CTNNA2: variants seen among roughly 807,000 people sequenced by gnomAD.
CTNNA2 encodes the protein catenin alpha 2, also known as catenin alpha-2.
A neutral mutation model predicts 101.0 loss-of-function variants in CTNNA2; 42 were observed. The observed-to-expected ratio is 0.42, with a 90% CI of 0.32 to 0.54. The LOEUF (loss-of-function observed/expected upper bound fraction) is 0.54. CTNNA2 is among the 20% of genes least tolerant of loss of function. The pLI is 0.14. For synonymous variants in CTNNA2, 450 were observed against 456.4 expected (o/e 0.99, Z 0.18); for missense variants, 871 against 1,223.1 (o/e 0.71, Z 4.29).
At chr2:79,911,567 G>A (rs1339797934) in intron 7 of CTNNA2, among the ~76,000 whole-genome samples, 1 of 152,170 alleles carries the variant, frequency 6.6e-6, no homozygotes, top group Non-Finnish European at 1.5e-5. Context: ...CAGAGCTGAT[G>A]GATTTTTGTA....
chr2:79,583,029 T>C (rs1226234175), intron 1 of CTNNA2, among the ~76,000 whole-genome samples: 1 of 152,072 alleles, frequency 6.6e-6, no homozygotes, highest in Admixed American at 6.6e-5. Flanking sequence ...AGCATAATTA[T>C]TTTTGAATTC....
chr2:79,750,049 G>T (rs144930467), intron 3 of CTNNA2, among the ~76,000 whole-genome samples: 1 of 152,248 alleles, frequency 6.6e-6, no homozygotes, highest in East Asian at 1.9e-4. Flanking sequence ...CGTGGTGTCC[G>T]CAAACTATGA....
intron 7 of CTNNA2, among the ~76,000 whole-genome samples, chr2:80,132,318 C>A (rs1558837899): frequency 6.6e-6 from 1 of 152,084 alleles, no homozygotes; most frequent in Non-Finnish European, 1.5e-5. Context: ...ATAAGCAGGA[C>A]TTCAAGGAGT....
chr2:79,912,213 C>A (rs959255926), intron 7 of CTNNA2, among the ~76,000 whole-genome samples: 14 of 152,202 alleles, frequency 9.2e-5, no homozygotes, highest in African/African-American at 3.4e-4. Context: ...CCTCATCAGT[C>A]CCAGATGAAC....
intron 7 of CTNNA2, among the ~76,000 whole-genome samples, chr2:80,037,600 A>G (rs1695753619): frequency 6.6e-6 from 1 of 152,192 alleles, no homozygotes; most frequent in African/African-American, 2.4e-5. Context: ...AATGCTGGGA[A>G]GAAACAAGAG....
chr2:79,330,640 A>G (rs2104418070), intron 3 of CTNNA2, among the ~76,000 whole-genome samples: 1 of 152,266 alleles, frequency 6.6e-6, no homozygotes, highest in East Asian at 1.9e-4. Context: ...AGTAGGAGGT[A>G]ATTGAATCAT....
At chr2:79,636,131 G>A (rs1347657183) in intron 1 of CTNNA2, among the ~76,000 whole-genome samples, 2 of 150,344 alleles carry the variant, frequency 1.3e-5, no homozygotes, top group Admixed American at 6.6e-5. Context: ...TTAGCCGGGC[G>A]TGGTGGCGGG....
chr2:80,064,019 C>G (rs1697798240), intron 7 of CTNNA2, among the ~76,000 whole-genome samples: 2 of 151,914 alleles, frequency 1.3e-5, no homozygotes, highest in South Asian at 2.1e-4. Context: ...TTATTGAAAA[C>G]AAAAAGCAAT....
chr2:80,073,484 G>A (rs940372974), intron 7 of CTNNA2, among the ~76,000 whole-genome samples: 4 of 152,170 alleles, frequency 2.6e-5, no homozygotes, highest in African/African-American at 7.2e-5. Flanking sequence ...CAGAGCTTAT[G>A]TTATCTGTGG....
intron 7 of CTNNA2, among the ~76,000 whole-genome samples, chr2:80,391,928 C>G (rs1018242720): frequency 6.6e-6 from 1 of 152,156 alleles, no homozygotes; most frequent in African/African-American, 2.4e-5. Flanking sequence ...TTTTAGAAGA[C>G]TAAAAATATA....
chr2:79,290,408 C>T (rs916234788), intron 2 of CTNNA2, among the ~76,000 whole-genome samples: 3 of 152,076 alleles, frequency 2.0e-5, no homozygotes, highest in African/African-American at 7.2e-5. Flanking sequence ...GCCTAGGGCT[C>T]CACCTCCGGC....
In CTNNA2 at chr2:80,248,782, G is replaced by T. The variant is rs75591182; in HGVS notation, c.1057-144429G>T. On this transcript the variant is annotated intron_variant, in intron 7 of 18. Coordinates refer to ENST00000402739, the MANE Select transcript of CTNNA2 (RefSeq NM_001282597.3). Reference sequence around the variant, plus strand: ...GACATAAAATATTGGTCCTCAGAATGTAGAGAGAGAAATGGCTAAAGGCCC... The same window carrying T: ...GACATAAAATATTGGTCCTCAGAATTTAGAGAGAGAAATGGCTAAAGGCCC... Among the ~76,000 whole-genome samples the T allele has an allele frequency of 3.4e-3, 519 of 152,302 alleles. 3 individuals are homozygous for T. The highest frequency in any genetic ancestry group is 0.012 in the African/African-American group (492 of 41,560).
chr2:79,197,325 G>A (rs1673974429), intron 1 of CTNNA2, among the ~76,000 whole-genome samples: 1 of 151,938 alleles, frequency 6.6e-6, no homozygotes, highest in African/African-American at 2.4e-5. Flanking sequence ...AAGCTGGAGG[G>A]AGCTAACAAA....
Position 80,303,906 on chromosome 2 carries a change from G to A in CTNNA2, c.1057-89305G>A. The A allele has an allele frequency of 1.4e-6, 2 of 1,420,380 alleles. No homozygotes were observed. The highest frequency in any genetic ancestry group is 1.9e-6 in the Non-Finnish European group (2 of 1,080,600). The allele number at this position is 1,420,380 out of a possible 1,614,324, so 88.0% of individuals were successfully genotyped here. A position where few individuals can be genotyped will look rare whatever the true frequency, so the allele number is the denominator to read the frequency against. ...ACATCATATTTTATTCCGAGGGAGG[G>A]GAAGCGGGGGAGGGGGAGAAAAGGG... On this transcript the variant is annotated intron_variant, in intron 7 of 18. Transcript: ENST00000402739. This position sits in a 1 kb window ranked among gnomAD's most constrained non-coding sequence, Gnocchi z 7.7.
intron 3 of CTNNA2, among the ~76,000 whole-genome samples, chr2:79,798,200 G>T (rs570833995): frequency 1.2e-4 from 19 of 152,256 alleles, no homozygotes; most frequent in Non-Finnish European, 1.5e-5. Context: ...TTGTGGCCTA[G>T]TCCAACTCTT....
intron 4 of CTNNA2, among the ~76,000 whole-genome samples, chr2:79,409,439 C>T (rs1678381529): frequency 6.6e-6 from 1 of 152,086 alleles, no homozygotes; most frequent in South Asian, 2.1e-4. Flanking sequence ...TTAGGTCTAA[C>T]ATTTAAGTCT....
intron 7 of CTNNA2, among the ~76,000 whole-genome samples, chr2:80,211,089 G>T (rs898946352): frequency 2.6e-5 from 4 of 151,962 alleles, no homozygotes; most frequent in Admixed American, 6.6e-5. Flanking sequence ...TAAATTTGTT[G>T]AAGTTCTTTG....
At chr2:80,392,677 G>A (rs1677623653) in intron 7 of CTNNA2, among the ~76,000 whole-genome samples, 1 of 152,042 alleles carries the variant, frequency 6.6e-6, no homozygotes, top group Non-Finnish European at 1.5e-5. Flanking sequence ...TCCACTACAT[G>A]ACAGAGCAGA....
intron 7 of CTNNA2, among the ~76,000 whole-genome samples, chr2:80,077,632 C>T (rs1038625472): frequency 2.6e-5 from 4 of 151,192 alleles, no homozygotes; most frequent in East Asian, 1.9e-4. Context: ...ACAAAACCTA[C>T]GGATACACAT....
Sources: allele counts gnomAD v4.1 joint callset (sites outside exome capture counted in the v4.1 genomes callset), GRCh38; gene constraint gnomAD v4.1.1; non-coding constraint Gnocchi (gnomAD v3.1); transcripts MANE v1.5; gene names NCBI Gene and HGNC (gene_info 2026-07-23, HGNC 2026-07-21).